CNTN4: variants seen among roughly 807,000 people sequenced by gnomAD.
The protein encoded by CNTN4 is contactin-4.
CNTN4 carries 77 observed loss-of-function variants against 122.5 expected under a neutral mutation model. The observed-to-expected ratio is 0.63, with a 90% CI of 0.52 to 0.76. CNTN4 has a LOEUF of 0.76. Among genes scored for constraint, CNTN4 ranks in the 30% least tolerant of loss-of-function variants. CNTN4 has a pLI of 0.00. For synonymous variants in CNTN4, 512 were observed against 447.0 expected, an observed-to-expected ratio of 1.15 and a Z score of -1.83; for missense variants, 1,256 against 1,259.1, an observed-to-expected ratio of 1.00 and a Z score of 0.04.
At chr3:2,233,667 G>A (rs576603603) in intron 2 of CNTN4, among the ~76,000 whole-genome samples, 19 of 152,104 alleles carry the variant, frequency 1.2e-4, no homozygotes, top group East Asian at 9.7e-4. Context: ...CAATTGAACC[G>A]TTTAACAAAG....
At chr3:2,245,649 T>C (rs2040116471) in intron 2 of CNTN4, among the ~76,000 whole-genome samples, 1 of 152,054 alleles carries the variant, frequency 6.6e-6, no homozygotes, top group Admixed American at 6.6e-5. Context: ...TTAGAACTCT[T>C]AGCATTTTGA....
intron 2 of CNTN4, among the ~76,000 whole-genome samples, chr3:2,131,853 G>A (rs911343446): frequency 2.6e-5 from 4 of 152,164 alleles, no homozygotes; most frequent in African/African-American, 7.2e-5. Context: ...TCTAGAATCA[G>A]TGAGCTTTTT....
chr3:2,974,177 G>A (rs569405568), intron 13 of CNTN4, among the ~76,000 whole-genome samples: 2 of 152,168 alleles, frequency 1.3e-5, no homozygotes, highest in East Asian at 3.9e-4. Context: ...TTACCTAGCT[G>A]GAATATAATA....
At chr3:2,574,442 T>C (rs2079568740) in intron 4 of CNTN4, among the ~76,000 whole-genome samples, 2 of 152,120 alleles carry the variant, frequency 1.3e-5, no homozygotes, top group Non-Finnish European at 2.9e-5. Flanking sequence ...ACAAGCAGGC[T>C]CATCCTGCAA....
At chr3:2,103,729 TA>T (rs1217367102) in intron 2 of CNTN4, among the ~76,000 whole-genome samples, 1 of 152,074 alleles carries the variant, frequency 6.6e-6, no homozygotes, top group Non-Finnish European at 1.5e-5. Context: ...TTTATCTATT[TA>T]TTTATCTTTA....
intron 12 of CNTN4, among the ~76,000 whole-genome samples, chr3:2,921,344 A>G (rs9827583): frequency 0.69 from 104,481 of 152,158 alleles, 35,988 homozygotes; most frequent in Non-Finnish European, 0.72. Flanking sequence ...ACCTCAGAGA[A>G]GGCTGATTTT....
At chr3:2,916,444 C>T (rs993201385) in intron 12 of CNTN4, among the ~76,000 whole-genome samples, 2 of 149,642 alleles carry the variant, frequency 1.3e-5, no homozygotes, top group African/African-American at 5.0e-5. Flanking sequence ...TTTAACAAAG[C>T]ACATCTTGCA....
At chr3:2,588,693 C>G (rs527857837) in intron 4 of CNTN4, among the ~76,000 whole-genome samples, 14 of 150,450 alleles carry the variant, frequency 9.3e-5, no homozygotes, top group African/African-American at 2.9e-4. Flanking sequence ...AGTGCCTGAT[C>G]TCTGTACAAT....
intron 4 of CNTN4, among the ~76,000 whole-genome samples, chr3:2,645,102 C>A (rs140334708): frequency 6.6e-6 from 1 of 152,102 alleles, no homozygotes; most frequent in East Asian, 1.9e-4. Context: ...CCTTACCTAT[C>A]TCTTTCTCTT....
At chr3:3,053,786 C>T (rs759785970) in intron 23 of CNTN4, 21 bp from the exon 24 acceptor site, 17 of 1,613,796 alleles carry the variant, frequency 1.1e-5, no homozygotes, top group Non-Finnish European at 1.4e-5. Context: ...CAGGTGACAC[C>T]TGTTCTTTCT....
chr3:2,747,277 C>T (rs1233914086), intron 6 of CNTN4, among the ~76,000 whole-genome samples: 74 of 150,658 alleles, frequency 4.9e-4, no homozygotes, highest in African/African-American at 1.7e-3. Flanking sequence ...GGCGCAGTGG[C>T]AGGTGCCTGT....
intron 6 of CNTN4, among the ~76,000 whole-genome samples, chr3:2,755,023 A>G (rs1576670077): frequency 6.6e-6 from 1 of 152,162 alleles, no homozygotes; most frequent in African/African-American, 2.4e-5. Context: ...GGTGGTGGTG[A>G]TAGAAAACTT....
intron 3 of CNTN4, among the ~76,000 whole-genome samples, chr3:2,457,093 C>CTT (rs1209508615): frequency 6.6e-6 from 1 of 152,074 alleles, no homozygotes; most frequent in African/African-American, 2.4e-5. Context: ...GTACTCTATA[C>CTT]TCTTTCTTTC....
At chr3:2,211,429 A>G (rs1020222256) in intron 2 of CNTN4, among the ~76,000 whole-genome samples, 1 of 152,138 alleles carries the variant, frequency 6.6e-6, no homozygotes, top group Non-Finnish European at 1.5e-5. Context: ...GTTCAGAGCA[A>G]ACTTTTCCTA....
intron 14 of CNTN4, among the ~76,000 whole-genome samples, chr3:3,004,559 T>C (rs76850092): frequency 0.013 from 1,944 of 152,344 alleles, 39 homozygotes; most frequent in African/African-American, 0.044. Context: ...GCTTTGAAGA[T>C]AGACAAATCA....
At chr3:2,424,657 G>C (rs1420072989) in intron 3 of CNTN4, among the ~76,000 whole-genome samples, 1 of 152,170 alleles carries the variant, frequency 6.6e-6, no homozygotes, top group Admixed American at 6.5e-5. Flanking sequence ...TTCCACAATG[G>C]TTGAGCTAGT....
chr3:2,307,611 G>A (rs1280646120), intron 2 of CNTN4, among the ~76,000 whole-genome samples: 1 of 136,350 alleles, frequency 7.3e-6, no homozygotes, highest in Non-Finnish European at 1.5e-5. Flanking sequence ...AGTTCCTTGA[G>A]TGTTTTTTTA....
At chr3:2,100,774 A>G (rs1009040370) in intron 2 of CNTN4, 135 bp downstream of exon 2, 20 of 152,240 alleles carry the variant, frequency 1.3e-4, no homozygotes, top group Non-Finnish European at 4.4e-5. Flanking sequence ...TTGCTACCTT[A>G]TAAAATAGCT....
intron 2 of CNTN4, among the ~76,000 whole-genome samples, chr3:2,106,343 G>A (rs1206773507): frequency 6.6e-6 from 1 of 152,232 alleles, no homozygotes; most frequent in African/African-American, 2.4e-5. Flanking sequence ...CCCTAACAGA[G>A]GTTCTTCATG....
Sources: allele counts gnomAD v4.1 joint callset (sites outside exome capture counted in the v4.1 genomes callset), GRCh38; gene constraint gnomAD v4.1.1; transcripts MANE v1.5; gene names NCBI Gene and HGNC (gene_info 2026-07-23, HGNC 2026-07-21).